MYO1D: variants seen among roughly 807,000 people sequenced by gnomAD.
MYO1D encodes the protein myosin ID.
MYO1D carries 83 observed loss-of-function variants against 122.0 expected under a neutral mutation model. That is an observed-to-expected ratio of 0.68 (90% CI 0.57 to 0.82). MYO1D has a LOEUF of 0.82. MYO1D is among the 40% of genes least tolerant of loss of function. The probability of loss-of-function intolerance (pLI) is 0.00; values close to 1 mark genes in which losing one functional copy is unlikely to be tolerated. For missense variants in MYO1D, 1,157 were observed against 1,269.5 expected (o/e 0.91, Z 1.35); for synonymous variants, 464 against 446.9 (o/e 1.04, Z -0.48).
Position 32,821,534 on chromosome 17 carries a change from T to TCACACACACACACA in MYO1D, c.96-40751_96-40750insTGTGTGTGTGTGTG, listed in dbSNP as rs575314294. On this transcript the variant is annotated intron_variant, in intron 1 of 21. Transcript: ENST00000318217. ...CCTTTGTCAGCTGAAGATAAGTAAA[T>TCACACACACACACA]CACACATACACACACACACACACAC... is the stretch of plus-strand genomic sequence containing the variant. Among the ~76,000 whole-genome samples the TCACACACACACACA allele has an allele frequency of 7.0e-3, 1,001 of 143,118 alleles. 12 individuals are homozygous for TCACACACACACACA. The highest frequency in any genetic ancestry group is 0.024 in the African/African-American group (945 of 39,692). 93.9% of individuals were successfully genotyped at this position (143,118 alleles called of 152,430 possible). A position where few individuals can be genotyped will look rare whatever the true frequency, so the allele number is the denominator to read the frequency against.
chr17:32,539,927 G>C (rs1567882225), intron 21 of MYO1D, among the ~76,000 whole-genome samples: 1 of 152,064 alleles, frequency 6.6e-6, no homozygotes. Context: ...ACAGAATCAA[G>C]TTCAAATAAT....
chr17:32,807,833 G>T (rs761234029), intron 1 of MYO1D, among the ~76,000 whole-genome samples: 11 of 152,098 alleles, frequency 7.2e-5, no homozygotes, highest in Non-Finnish European at 1.6e-4. Context: ...TGAGACTTTG[G>T]GGTTGTTTGT....
At chr17:32,613,546 T>C (rs890097778) in intron 20 of MYO1D, among the ~76,000 whole-genome samples, 1 of 151,656 alleles carries the variant, frequency 6.6e-6, no homozygotes, top group Non-Finnish European at 1.5e-5. Context: ...GAGGCCGAGG[T>C]GGGCAGATCA....
chr17:32,805,811 C>A (rs538940585), intron 1 of MYO1D, among the ~76,000 whole-genome samples: 1 of 152,298 alleles, frequency 6.6e-6, no homozygotes, highest in African/African-American at 2.4e-5. Flanking sequence ...TCAAAGATTA[C>A]GTGTTCCTTC....
chr17:32,494,731 G>A lies in MYO1D; in HGVS notation c.*28C>T, dbSNP rs1431567635. ...GGGACCCAGGACTCGGAGTGTGGCC[G>A]GGCTCCGGGCCAGGCCTCCGCGGGG... is the stretch of plus-strand genomic sequence containing the variant. On this transcript the variant is annotated 3_prime_UTR_variant, in exon 22 of 22. Coordinates refer to ENST00000318217, the MANE Select transcript of MYO1D (RefSeq NM_015194.3). 5.1e-6 allele frequency: 8 copies of A among 1,560,854 alleles called. No individual in the cohort carries two copies. The highest frequency in any genetic ancestry group is 3.7e-5 in the Admixed American group (2 of 53,856).
chr17:32,581,817 G>A (rs1292998487), intron 21 of MYO1D, among the ~76,000 whole-genome samples: 1 of 152,088 alleles, frequency 6.6e-6, no homozygotes, highest in East Asian at 1.9e-4. Context: ...CCAGGCTGGA[G>A]TGTAGTAGAG....
At chr17:32,515,567 C>G (rs1206252683) in intron 21 of MYO1D, among the ~76,000 whole-genome samples, 1 of 152,158 alleles carries the variant, frequency 6.6e-6, no homozygotes, top group Non-Finnish European at 1.5e-5. Context: ...GTTGGTATTA[C>G]AGGTGTGAGC....
At chr17:32,677,535 T>G (rs1219463352) in intron 16 of MYO1D, among the ~76,000 whole-genome samples, 2 of 149,938 alleles carry the variant, frequency 1.3e-5, no homozygotes, top group African/African-American at 4.9e-5. Context: ...GAAACAGAGG[T>G]GTAAAAAGTC....
chr17:32,771,650 T>C (rs2090113955), intron 5 of MYO1D, among the ~76,000 whole-genome samples: 1 of 152,226 alleles, frequency 6.6e-6, no homozygotes, highest in Non-Finnish European at 1.5e-5. Context: ...ATATGCTGAA[T>C]CACACTGGAA....
chr17:32,855,720 C>T (rs1413492167), intron 1 of MYO1D, among the ~76,000 whole-genome samples: 1 of 152,140 alleles, frequency 6.6e-6, no homozygotes, highest in African/African-American at 2.4e-5. Flanking sequence ...TTAAAAAAAT[C>T]TTTGGCAACT....
Position 32,772,864 on chromosome 17 carries a change from T to C in MYO1D, c.565-22A>G, listed in dbSNP as rs747676837. On this transcript the variant is annotated intron_variant, in intron 4 of 21. Transcript: ENST00000318217. ...GAGACTAAGAAAAAACACATTAAAA[T>C]GGTTAACCCGAAAATGTGCCCCTAA... The C allele has an allele frequency of 1.7e-5, 28 of 1,606,904 alleles. No homozygotes were observed. In the South Asian group the frequency reaches 1.9e-4, roughly 11 times the overall value.
At position 32,525,047 on chromosome 17, in the gene MYO1D, G is replaced by C. The variant is rs78236858; in HGVS notation, c.2865-30132C>G. ...TTTCCTTAGGAAGTCAACTGTATTT[G>C]GATTATAGCTGAATTAGGAATTCTC... On this transcript the variant is annotated intron_variant, in intron 21 of 21. Coordinates refer to ENST00000318217, the MANE Select transcript of MYO1D (RefSeq NM_015194.3). 6.8e-3 allele frequency among the ~76,000 whole-genome samples: 1,030 copies of C among 152,254 alleles called. 33 individuals carry two copies. Among genetic ancestry groups the C allele is most frequent in the Admixed American group, 0.053 (805 of 15,288 alleles).
intron 20 of MYO1D, among the ~76,000 whole-genome samples, chr17:32,606,298 A>C (rs745332038): frequency 2.6e-5 from 4 of 152,210 alleles, no homozygotes; most frequent in Admixed American, 1.3e-4. Flanking sequence ...ACACCAATTC[A>C]CCATATTTCT....
chr17:32,653,096 T>C (rs1448937254), intron 19 of MYO1D, among the ~76,000 whole-genome samples: 2 of 151,216 alleles, frequency 1.3e-5, no homozygotes, highest in African/African-American at 4.9e-5. Context: ...GAGCCGAGAT[T>C]GCACCACTGC....
chr17:32,727,445 T>C (rs1231418918), intron 14 of MYO1D: 1 of 152,194 alleles, frequency 6.6e-6, no homozygotes, highest in Non-Finnish European at 1.5e-5. Context: ...CCAGACATCA[T>C]TCTCCCAAGA....
chr17:32,626,604 C>T (rs189690903), intron 20 of MYO1D, among the ~76,000 whole-genome samples: 493 of 152,172 alleles, frequency 3.2e-3, no homozygotes, highest in African/African-American at 0.011. Context: ...TACTATAAAT[C>T]GTTTGCTTAT....
At chr17:32,761,475 G>A (rs952449839) in intron 8 of MYO1D, among the ~76,000 whole-genome samples, 20 of 152,128 alleles carry the variant, frequency 1.3e-4, no homozygotes, top group African/African-American at 4.6e-4. Context: ...CTGGATTTCG[G>A]ATAATAGCCT....
chr17:32,868,476 C>T (rs893061464), intron 1 of MYO1D, among the ~76,000 whole-genome samples: 1 of 152,068 alleles, frequency 6.6e-6, no homozygotes, highest in African/African-American at 2.4e-5. Flanking sequence ...CCATTGCAAA[C>T]TTTCATCCTT....
intron 1 of MYO1D, among the ~76,000 whole-genome samples, chr17:32,791,789 G>A (rs1406718858): frequency 6.6e-6 from 1 of 151,980 alleles, no homozygotes; most frequent in African/African-American, 2.4e-5. Context: ...AATTAATTTA[G>A]AATAGGCAAG....
Sources: gnomAD v4.1 joint callset for allele counts (sites outside exome capture counted in the v4.1 genomes callset) on GRCh38, gnomAD v4.1.1 for gene constraint, MANE v1.5 for transcripts, NCBI Gene and HGNC (gene_info 2026-07-23, HGNC 2026-07-21) for gene names.